COL24A1: variants seen among roughly 807,000 people sequenced by gnomAD.
The protein encoded by COL24A1 is collagen type XXIV alpha 1 chain.
COL24A1 carries 224 observed loss-of-function variants against 253.9 expected under a neutral mutation model. That is an observed-to-expected ratio of 0.88 (90% CI 0.79 to 0.99). The LOEUF (loss-of-function observed/expected upper bound fraction) is 0.99, where lower values mean the gene tolerates loss of function less well. COL24A1 is among the 50% of genes least tolerant of loss of function. The pLI, the probability that COL24A1 is intolerant of heterozygous loss-of-function variation, is 0.00. For synonymous variants in COL24A1, 685 were observed against 673.7 expected, an observed-to-expected ratio of 1.02 and a Z score of -0.26; for missense variants, 2,131 against 2,068.5, an observed-to-expected ratio of 1.03 and a Z score of -0.59.
chr1:86,112,992 C>T (rs1705759179), intron 4 of COL24A1, among the ~76,000 whole-genome samples: 1 of 152,136 alleles, frequency 6.6e-6, no homozygotes, highest in Non-Finnish European at 1.5e-5. Flanking sequence ...TGCCTTATGA[C>T]ATGTTCTATT....
intron 26 of COL24A1, 37 bp downstream of exon 26, chr1:85,909,913 C>A (rs749180595): frequency 1.3e-6 from 2 of 1,560,832 alleles, no homozygotes; most frequent in South Asian, 1.1e-5. Context: ...TTATTGCATT[C>A]TTTGGAAACA....
At chr1:86,081,524 G>T (rs1405682974) in intron 7 of COL24A1, among the ~76,000 whole-genome samples, 1 of 151,912 alleles carries the variant, frequency 6.6e-6, no homozygotes, top group Non-Finnish European at 1.5e-5. Flanking sequence ...TTTCATCTTT[G>T]TTAGCTAATA....
chr1:85,933,761 C>A (rs1406740828), intron 24 of COL24A1, among the ~76,000 whole-genome samples: 1 of 152,106 alleles, frequency 6.6e-6, no homozygotes, highest in African/African-American at 2.4e-5. Context: ...TGGAAATGGT[C>A]ATAATTTATT....
At chr1:86,117,600 G>A (rs1050460675) in intron 3 of COL24A1, among the ~76,000 whole-genome samples, 1 of 152,142 alleles carries the variant, frequency 6.6e-6, no homozygotes, top group Non-Finnish European at 1.5e-5. Context: ...TGTTTGATAA[G>A]CACTAAATTA....
At chr1:85,848,810 G>A (rs188820946) in intron 38 of COL24A1, among the ~76,000 whole-genome samples, 1 of 152,082 alleles carries the variant, frequency 6.6e-6, no homozygotes, top group South Asian at 2.1e-4. Flanking sequence ...TTTTCCAGGG[G>A]TGCAGGTTGT....
chr1:85,800,385 T>C (rs1253055902), intron 47 of COL24A1, among the ~76,000 whole-genome samples: 1 of 152,194 alleles, frequency 6.6e-6, no homozygotes, highest in East Asian at 1.9e-4. Flanking sequence ...CAAGATTCTT[T>C]GCTAAAGTTA....
chr1:85,900,429 A>G (rs549994882), intron 28 of COL24A1, among the ~76,000 whole-genome samples: 1 of 152,134 alleles, frequency 6.6e-6, no homozygotes, highest in African/African-American at 2.4e-5. Context: ...ACTTGAGCCC[A>G]GGAGTTCAAG....
intron 18 of COL24A1, among the ~76,000 whole-genome samples, chr1:86,019,723 T>C (rs1277196963): frequency 6.6e-6 from 1 of 152,126 alleles, no homozygotes; most frequent in Non-Finnish European, 1.5e-5. Flanking sequence ...AAAAAATCAA[T>C]TATCTCCCTA....
rs1160031830 is a variant in COL24A1 at position 86,073,474 on chromosome 1, G to C, written c.1708-9715C>G. Among the ~76,000 whole-genome samples, 4 of 152,320 alleles carry C rather than the reference G, an allele frequency of 2.6e-5. No homozygotes were observed. The East Asian group carries it at 7.7e-4, about 29-fold the overall frequency. ...GCCTCCAAGAAATATGGGACTATGTGAAAAGACCAAACCTACGTTTGATTG... is the reference window on the plus strand; with the variant it reads ...GCCTCCAAGAAATATGGGACTATGTCAAAAGACCAAACCTACGTTTGATTG... On this transcript the variant is annotated intron_variant, in intron 7 of 59. Transcript: ENST00000370571.
intron 8 of COL24A1, among the ~76,000 whole-genome samples, chr1:86,061,323 T>C (rs1056607236): frequency 2.0e-5 from 3 of 152,048 alleles, no homozygotes; most frequent in Non-Finnish European, 4.4e-5. Flanking sequence ...ACCTTATATT[T>C]AGGTATGCCA....
chr1:85,840,366 A>G (rs150065468), intron 42 of COL24A1, among the ~76,000 whole-genome samples: 107 of 152,234 alleles, frequency 7.0e-4, no homozygotes, highest in African/African-American at 2.1e-3. Flanking sequence ...CTATATATCT[A>G]TTGCCTCTAT....
chr1:86,102,077 G>A (rs1704508279), intron 5 of COL24A1, among the ~76,000 whole-genome samples: 1 of 128,744 alleles, frequency 7.8e-6, no homozygotes, highest in Non-Finnish European at 1.7e-5. Flanking sequence ...CTCATTTTTG[G>A]TCTGTTAAGG....
At chr1:85,793,034 A>G (rs1056466463) in intron 47 of COL24A1, among the ~76,000 whole-genome samples, 6 of 152,178 alleles carry the variant, frequency 3.9e-5, no homozygotes, top group Admixed American at 3.3e-4. Context: ...GTATTTAAAA[A>G]GTAAAGTCAA....
intron 14 of COL24A1, chr1:86,030,176 A>C (rs570885993): frequency 6.6e-6 from 1 of 152,206 alleles, no homozygotes; most frequent in Non-Finnish European, 1.5e-5. Flanking sequence ...TACACAGAGC[A>C]TAAGGTCAAA....
rs189943405 is a variant in COL24A1, at chr1:86,011,704, C to T, written c.2310+5447G>A. On this transcript the variant is annotated intron_variant, in intron 19 of 59. Transcript: ENST00000370571. ...TTTATAGAATGCTATCTCTGTGCCACGCTTTGCTGCAGTAAATAGTAGTAA... is the reference window on the plus strand; with the variant it reads ...TTTATAGAATGCTATCTCTGTGCCATGCTTTGCTGCAGTAAATAGTAGTAA... 2.2e-3 allele frequency among the ~76,000 whole-genome samples: 328 copies of T among 152,284 alleles called. 2 individuals carry two copies. The highest frequency in any genetic ancestry group is 1.9e-3 in the Non-Finnish European group (129 of 68,030).
intron 32 of COL24A1, among the ~76,000 whole-genome samples, chr1:85,887,276 C>T (rs74665528): frequency 0.018 from 2,686 of 151,274 alleles, 68 homozygotes; most frequent in African/African-American, 0.062. Flanking sequence ...TCTTCTGAAA[C>T]GGAAGAATAA....
intron 37 of COL24A1, among the ~76,000 whole-genome samples, chr1:85,860,811 A>C (rs989918990): frequency 6.6e-6 from 1 of 152,098 alleles, no homozygotes; most frequent in Non-Finnish European, 1.5e-5. Flanking sequence ...TTCATTTAGC[A>C]TAATGTTTTC....
rs184014980 is a variant in COL24A1 at position 86,140,982 on chromosome 1, C to T, written c.121+5137G>A. 2.8e-3 allele frequency among the ~76,000 whole-genome samples: 429 copies of T among 152,178 alleles called. 2 individuals are homozygous for T. Among genetic ancestry groups the T allele is most frequent in the African/African-American group, 9.4e-3 (389 of 41,514 alleles). ...AAAATTTAAGGGAATTTACTGAAACCGTGACAAATCACATAGATGCTTATT... is the reference window on the plus strand; with the variant it reads ...AAAATTTAAGGGAATTTACTGAAACTGTGACAAATCACATAGATGCTTATT... On this transcript the variant is annotated intron_variant, in intron 2 of 59. Transcript: ENST00000370571.
At chr1:85,743,868 C>T (rs1664909496) in intron 57 of COL24A1, among the ~76,000 whole-genome samples, 1 of 152,046 alleles carries the variant, frequency 6.6e-6, no homozygotes, top group Admixed American at 6.6e-5. Context: ...AGAACGGAAG[C>T]AGATGTTTTG....
Sources: gnomAD v4.1 joint callset for allele counts (sites outside exome capture counted in the v4.1 genomes callset) on GRCh38, gnomAD v4.1.1 for gene constraint, MANE v1.5 for transcripts, NCBI Gene and HGNC (gene_info 2026-07-23, HGNC 2026-07-21) for gene names.